Variants in TMEM132D observed in about 807,000 individuals in gnomAD.
TMEM132D encodes transmembrane protein 132D, also known as mature OL transmembrane protein.
TMEM132D carries 21 observed loss-of-function variants against 62.3 expected under a neutral mutation model. That is an observed-to-expected ratio of 0.34 (90% CI 0.24 to 0.49). TMEM132D has a LOEUF of 0.49. Among genes scored for constraint, TMEM132D ranks in the 20% least tolerant of loss-of-function variants. The pLI, the probability that TMEM132D is intolerant of heterozygous loss-of-function variation, is 0.99. For missense variants in TMEM132D, 1,346 were observed against 1,402.8 expected (o/e 0.96, Z 0.65); for synonymous variants, 621 against 575.6 (o/e 1.08, Z -1.13).
chr12:129,669,754 C>T (rs264494), intron 2 of TMEM132D, among the ~76,000 whole-genome samples: 114,782 of 151,476 alleles, frequency 0.76, 43,901 homozygotes, highest in East Asian at 0.85. Context: ...ACAAACAAAA[C>T]TGGGATCTGT....
chr12:129,642,669 A>G (rs1384019173), intron 2 of TMEM132D, among the ~76,000 whole-genome samples: 3 of 152,164 alleles, frequency 2.0e-5, no homozygotes, highest in Non-Finnish European at 2.9e-5. Flanking sequence ...CAAGAACGGT[A>G]TTTTCCAAAC....
At chr12:129,424,474 G>A (rs1336062255) in intron 3 of TMEM132D, among the ~76,000 whole-genome samples, 1 of 151,988 alleles carries the variant, frequency 6.6e-6, no homozygotes, top group Non-Finnish European at 1.5e-5. Context: ...GCCGAGACGG[G>A]CAGATCATGA....
In TMEM132D at chr12:129,460,211, C is replaced by G. The variant is rs1355163060; in HGVS notation, c.1115+70848G>C. Among the ~76,000 whole-genome samples, 7 of 152,282 alleles carry G rather than the reference C, an allele frequency of 4.6e-5. No homozygotes were observed. The East Asian group carries it at 1.4e-3, about 29-fold the overall frequency. On this transcript the variant is annotated intron_variant, in intron 3 of 8. Transcript: ENST00000422113. The stretch of plus-strand genomic sequence containing the variant: ...AATGTTAACTTTGATGCTGGATGCC[C>G]TTCTCTGTGTTCCCTGTGCTTGTGT...
At chr12:129,382,565 T>C (rs1196902588) in intron 3 of TMEM132D, among the ~76,000 whole-genome samples, 1 of 152,186 alleles carries the variant, frequency 6.6e-6, no homozygotes, top group African/African-American at 2.4e-5. Context: ...CATACAGTCC[T>C]AAATCTCAAG....
chr12:129,816,609 GAC>G lies in TMEM132D; in HGVS notation c.79+86650_79+86651del, dbSNP rs577507430. Among the ~76,000 whole-genome samples the G allele has an allele frequency of 7.9e-5, 12 of 152,228 alleles. No homozygotes were observed. In the South Asian group the frequency reaches 2.3e-3, roughly 29 times the overall value. On this transcript the variant is annotated intron_variant, in intron 1 of 8. Transcript: ENST00000422113. ...TCCATCTTTGAGCATATACAAGAGA[GAC>G]ACAAATGATGAAAACCATAATTACG...
intron 2 of TMEM132D, among the ~76,000 whole-genome samples, chr12:129,551,715 C>A (rs564155876): frequency 1.8e-4 from 27 of 152,162 alleles, no homozygotes; most frequent in Non-Finnish European, 3.8e-4. Flanking sequence ...ACACGCCCTG[C>A]CTAATTCATT....
At chr12:129,329,376 G>A (rs1369885209) in intron 4 of TMEM132D, among the ~76,000 whole-genome samples, 1 of 152,154 alleles carries the variant, frequency 6.6e-6, no homozygotes, top group Non-Finnish European at 1.5e-5. Context: ...CAGTGTGACT[G>A]AATTTTCGAA....
At chr12:129,122,783 G>GT (rs1353495788) in intron 5 of TMEM132D, among the ~76,000 whole-genome samples, 1 of 152,166 alleles carries the variant, frequency 6.6e-6, no homozygotes, top group Non-Finnish European at 1.5e-5. Context: ...TGCAAAATAG[G>GT]TTTTATCAGA....
At chr12:129,311,989 G>T (rs145326986) in intron 4 of TMEM132D, among the ~76,000 whole-genome samples, 3 of 152,148 alleles carry the variant, frequency 2.0e-5, no homozygotes, top group Admixed American at 2.0e-4. Context: ...GTGTGCAATG[G>T]TCTTCAGCAG....
chr12:129,117,791 A>G (rs1875939812), intron 5 of TMEM132D, among the ~76,000 whole-genome samples: 1 of 152,206 alleles, frequency 6.6e-6, no homozygotes, highest in South Asian at 2.1e-4. Flanking sequence ...TTAATTCACA[A>G]AGCTTTGTCA....
At chr12:129,112,640 C>A (rs2398448) in intron 5 of TMEM132D, among the ~76,000 whole-genome samples, 1 of 152,292 alleles carries the variant, frequency 6.6e-6, no homozygotes, top group Admixed American at 6.5e-5. Flanking sequence ...TCCAGCCTGG[C>A]CAACAAAAGC....
chr12:129,784,197 C>A (rs1458903053), intron 1 of TMEM132D, among the ~76,000 whole-genome samples: 2 of 152,188 alleles, frequency 1.3e-5, no homozygotes, highest in South Asian at 2.1e-4. Context: ...CGTGAGACCA[C>A]GAGCTGGCAT....
intron 3 of TMEM132D, among the ~76,000 whole-genome samples, chr12:129,452,438 G>T (rs1309447630): frequency 6.6e-6 from 1 of 152,146 alleles, no homozygotes; most frequent in African/African-American, 2.4e-5. Context: ...CTTCCTCTTA[G>T]TTTTAGTGAA....
chr12:129,142,130 T>C (rs984416786), intron 5 of TMEM132D, among the ~76,000 whole-genome samples: 6 of 151,962 alleles, frequency 3.9e-5, no homozygotes, highest in Non-Finnish European at 7.4e-5. Flanking sequence ...TGGCCATAAA[T>C]AATGAATCAC....
chr12:129,186,460 G>A (rs929993238), intron 5 of TMEM132D, among the ~76,000 whole-genome samples: 1 of 152,144 alleles, frequency 6.6e-6, no homozygotes, highest in Non-Finnish European at 1.5e-5. Flanking sequence ...TTACTTTCTT[G>A]CACCTCCCCA....
intron 8 of TMEM132D, among the ~76,000 whole-genome samples, chr12:129,076,736 G>T (rs571007753): frequency 1.3e-5 from 2 of 152,332 alleles, no homozygotes; most frequent in Non-Finnish European, 2.9e-5. Flanking sequence ...CAAGTTGCAG[G>T]CAGGGAGTAA....
chr12:129,358,399 T>C (rs1212192691), intron 3 of TMEM132D, among the ~76,000 whole-genome samples: 1 of 152,174 alleles, frequency 6.6e-6, no homozygotes, highest in Non-Finnish European at 1.5e-5. Flanking sequence ...TGGGACTGGC[T>C]CCTGGGCGCT....
chr12:129,489,781 C>A (rs1303476390), intron 3 of TMEM132D, among the ~76,000 whole-genome samples: 1 of 152,116 alleles, frequency 6.6e-6, no homozygotes, highest in Non-Finnish European at 1.5e-5. Context: ...ATTATATAAT[C>A]CTACCATTCA....
At chr12:129,189,801 T>C (rs1366755622) in intron 5 of TMEM132D, among the ~76,000 whole-genome samples, 1 of 152,076 alleles carries the variant, frequency 6.6e-6, no homozygotes, top group East Asian at 1.9e-4. Flanking sequence ...GGCAAAGACG[T>C]CAGTGTCCTC....
Sources: allele counts gnomAD v4.1 joint callset (sites outside exome capture counted in the v4.1 genomes callset), GRCh38; gene constraint gnomAD v4.1.1; transcripts MANE v1.5; gene names NCBI Gene and HGNC (gene_info 2026-07-23, HGNC 2026-07-21).